The following ZNF175 variants were observed in gnomAD, a reference collection of about 807,000 sequenced individuals.
ZNF175 encodes the protein zinc finger protein 175.
ZNF175 carries 8 observed loss-of-function variants against 14.0 expected under a neutral mutation model. That is an observed-to-expected ratio of 0.57 (90% CI 0.34 to 1.03). ZNF175 has a LOEUF of 1.03. ZNF175 is among the 50% of genes least tolerant of loss of function. The pLI is 0.03. For missense variants in ZNF175, 764 were observed against 849.5 expected (o/e 0.90, Z 1.25); for synonymous variants, 255 against 296.8 (o/e 0.86, Z 1.45).
intron 2 of ZNF175, among the ~76,000 whole-genome samples, chr19:51,577,908 C>T (rs1163579685): frequency 6.6e-6 from 1 of 151,234 alleles, no homozygotes; most frequent in East Asian, 2.0e-4. Flanking sequence ...CGTGATCCGC[C>T]CGCCTTGGCC....
At position 51,581,854 on chromosome 19, in the gene ZNF175, G is replaced by A; in HGVS notation, c.267G>A (p.Glu89=). The change falls in exon 4 of 5, where the codon GAG becomes GAA. Residue 89 remains glutamate, a synonymous_variant. Coordinates refer to ENST00000262259, the MANE Select transcript of ZNF175 (RefSeq NM_007147.4). ...AAGAAAAGGAGCCGCGTGTGGAGGA[G>A]GCTGAAGTCTCACATCAGAGGTGTC... ...MLKEKEPRVE[E]AEVSHQRCQE... The A allele has an allele frequency of 1.9e-6, 3 of 1,613,840 alleles. No homozygotes were observed. The highest frequency in any genetic ancestry group is 2.5e-6 in the Non-Finnish European group (3 of 1,179,822).
Position 51,588,912 on chromosome 19 carries a change from T to TGC in ZNF175, c.*448_*449dup. ...TAGGACAATATTTTATGTGTGTGTG[T>TGC]GCGCCTTATGTATATAAGCATATAT... On this transcript the variant is annotated 3_prime_UTR_variant, in exon 5 of 5. Transcript: ENST00000262259. 5 of 393,866 alleles carry TGC rather than the reference T, an allele frequency of 1.3e-5. 1 individual carries two copies. In the Middle Eastern group the frequency reaches 2.6e-3, roughly 203 times the overall value. 24.4% of individuals were successfully genotyped at this position (393,866 alleles called of 1,614,324 possible).
At chr19:51,579,984 A>G (rs1055345154) in intron 2 of ZNF175, among the ~76,000 whole-genome samples, 2 of 152,060 alleles carry the variant, frequency 1.3e-5, no homozygotes, top group African/African-American at 4.8e-5. Flanking sequence ...TATTCAATAT[A>G]TAGAATATAG....
chr19:51,581,769 A>G lies in ZNF175; in HGVS notation c.200-18A>G, dbSNP rs1982012421. On this transcript the variant is annotated intron_variant, in intron 3 of 4. Coordinates refer to ENST00000262259, the MANE Select transcript of ZNF175 (RefSeq NM_007147.4). ...TGAAGAAGCTACACCCAAATCCAGTATCCTTTCTAATTAACAGGGTATCAC... is the reference window on the plus strand; with the variant it reads ...TGAAGAAGCTACACCCAAATCCAGTGTCCTTTCTAATTAACAGGGTATCAC... 2.5e-6 allele frequency: 4 copies of G among 1,612,510 alleles called. No individual in the cohort carries two copies. The highest frequency in any genetic ancestry group is 2.2e-5 in the South Asian group (2 of 90,932).
Position 51,592,061 on chromosome 19 carries a change from G to A in ZNF175, c.*3594G>A, listed in dbSNP as rs1199400857. ...CATGACCTTTTTATTGTTGGGCAGT[G>A]AAAGCCATGGTGAAATGAAGAATGT... On this transcript the variant is annotated 3_prime_UTR_variant, in exon 5 of 5. Coordinates refer to ENST00000262259, the MANE Select transcript of ZNF175 (RefSeq NM_007147.4). 1 of 152,166 alleles carries A rather than the reference G, an allele frequency of 6.6e-6. No individual in the cohort carries two copies. The allele number at this position is 152,166 out of a possible 1,614,324, so 9.4% of individuals were successfully genotyped here.
In ZNF175 at chr19:51,588,292, A is replaced by G; in HGVS notation, c.1961A>G (p.Lys654Arg). The G allele has an allele frequency of 1.2e-6, 2 of 1,614,056 alleles. No homozygotes were observed. The highest frequency in any genetic ancestry group is 1.7e-6 in the Non-Finnish European group (2 of 1,180,006). Residue 654 changes from lysine to arginine, a missense_variant, in exon 5 of 5, where the codon AAG (lysine) becomes AGG (arginine). Lys to Arg is a conservative substitution (Grantham distance 26). Coordinates refer to ENST00000262259, the MANE Select transcript of ZNF175 (RefSeq NM_007147.4). Reference sequence around the variant, plus strand: ...CTTGACTGTGGGAAATCGTTCAGTAAGAAACCACAACTCAAGGTGCATCAG... The same window carrying G: ...CTTGACTGTGGGAAATCGTTCAGTAGGAAACCACAACTCAAGGTGCATCAG... ...ECLDCGKSFSKKPQLKVHQRI... is the reference protein window; with the variant it reads ...ECLDCGKSFSRKPQLKVHQRI...
In ZNF175 at chr19:51,587,748, A is replaced by G. The variant is rs1982217414; in HGVS notation, c.1417A>G (p.Lys473Glu). The change falls in exon 5 of 5, where the codon AAA (lysine) becomes GAA (glutamate). Residue 473 changes from lysine to glutamate, a missense_variant. Lys to Glu is a moderately conservative substitution (Grantham distance 56). Coordinates refer to ENST00000262259, the MANE Select transcript of ZNF175 (RefSeq NM_007147.4). ...IVHQRSHTGEKPYQCHNCGKS... is the reference protein window; with the variant it reads ...IVHQRSHTGEEPYQCHNCGKS... The stretch of plus-strand genomic sequence containing the variant: ...CCATCAAAGAAGCCACACAGGAGAA[A>G]AACCTTATCAGTGCCACAACTGTGG... The G allele has an allele frequency of 2.5e-6, 4 of 1,614,094 alleles. No homozygotes were observed. The highest frequency in any genetic ancestry group is 1.3e-5 in the African/African-American group (1 of 74,926).
chr19:51,576,850 G>C (rs1054440577), intron 2 of ZNF175, among the ~76,000 whole-genome samples: 2 of 152,064 alleles, frequency 1.3e-5, no homozygotes, highest in African/African-American at 4.8e-5. Context: ...TCGTGAAAGT[G>C]CATCCCCTAG....
intron 4 of ZNF175, 149 bp from the exon 5 acceptor site, chr19:51,586,478 G>C: frequency 1.3e-6 from 1 of 775,008 alleles, no homozygotes; most frequent in Non-Finnish European, 2.0e-6. Flanking sequence ...CATGTAATAA[G>C]GGCTCTGTGT....
chr19:51,582,219 G>A (rs1382865189), intron 4 of ZNF175, among the ~76,000 whole-genome samples: 3 of 152,186 alleles, frequency 2.0e-5, no homozygotes, highest in Non-Finnish European at 4.4e-5. Flanking sequence ...CATCTTGCTT[G>A]CTAACACTTG....
At chr19:51,576,401 C>T (rs978059461) in intron 2 of ZNF175, among the ~76,000 whole-genome samples, 7 of 152,262 alleles carry the variant, frequency 4.6e-5, no homozygotes, top group Non-Finnish European at 7.4e-5. Flanking sequence ...CCGCCAGCCT[C>T]GGCCTCCCAA....
intron 2 of ZNF175, among the ~76,000 whole-genome samples, chr19:51,578,316 C>T (rs1263139668): frequency 6.6e-6 from 1 of 151,998 alleles, no homozygotes; most frequent in Non-Finnish European, 1.5e-5. Flanking sequence ...AGGAGAATCG[C>T]CTGAACCCGG....
In ZNF175 at chr19:51,582,716, C is replaced by T. The variant is rs536992482; in HGVS notation, c.295+834C>T. Among the ~76,000 whole-genome samples, 109 of 152,240 alleles carry T rather than the reference C, an allele frequency of 7.2e-4. 1 individual carries two copies. The highest frequency in any genetic ancestry group is 3.4e-3 in the Middle Eastern group (1 of 294). On this transcript the variant is annotated intron_variant, in intron 4 of 4. Transcript: ENST00000262259. ...CATTTTCTTACCGCTTATCTCTTTA[C>T]GTCCATGGAGTTTTCTGCCTTTTTT...
rs780450554 is a variant in ZNF175 at position 51,587,841 on chromosome 19, G to A, written c.1510G>A (p.Glu504Lys). ...AATTCATACAGGGGAGAAACCTTAT[G>A]AATGCAGTGACTGTGGAAAAACCTT... ...HRIHTGEKPY[E>K]CSDCGKTFTQ... Residue 504 changes from glutamate to lysine, a missense_variant, in exon 5 of 5, where the codon GAA becomes AAA. Coordinates refer to ENST00000262259, the MANE Select transcript of ZNF175 (RefSeq NM_007147.4). 1.9e-6 allele frequency: 3 copies of A among 1,614,020 alleles called. No individual in the cohort carries two copies. The highest frequency in any genetic ancestry group is 2.5e-6 in the Non-Finnish European group (3 of 1,180,020).
At chr19:51,580,252 C>T (rs1408787127) in intron 2 of ZNF175, among the ~76,000 whole-genome samples, 1 of 152,092 alleles carries the variant, frequency 6.6e-6, no homozygotes, top group Non-Finnish European at 1.5e-5. Context: ...GTTTGCACAC[C>T]ACGTATTTTC....
chr19:51,577,550 C>A (rs1981829945), intron 2 of ZNF175, among the ~76,000 whole-genome samples: 1 of 151,810 alleles, frequency 6.6e-6, no homozygotes, highest in Non-Finnish European at 1.5e-5. Context: ...ACTATCTTAC[C>A]TAAGGATATT....
At position 51,587,018 on chromosome 19, in the gene ZNF175, T is replaced by C. The variant is rs756647413; in HGVS notation, c.687T>C (p.Ser229=). The C allele has an allele frequency of 5.0e-6, 8 of 1,614,248 alleles. No homozygotes were observed. The highest frequency in any genetic ancestry group is 5.1e-6 in the Non-Finnish European group (6 of 1,180,028). ...AACAGCTTGATGACGTTGTTGGGTC[T>C]GGTCAGCTATTCAGCCATAGCTCTT... ...DTEQLDDVVG[S]GQLFSHSSSD... Residue 229 remains serine (S), a synonymous_variant, in exon 5 of 5, where the codon TCT becomes TCC. Coordinates refer to ENST00000262259, the MANE Select transcript of ZNF175 (RefSeq NM_007147.4).
intron 2 of ZNF175, among the ~76,000 whole-genome samples, chr19:51,575,258 G>T (rs940583050): frequency 2.3e-5 from 3 of 130,060 alleles, no homozygotes; most frequent in Admixed American, 8.4e-5. Flanking sequence ...GCTCTGAAGC[G>T]CAGGCTGGAG....
intron 2 of ZNF175, 163 bp from the exon 3 acceptor site, chr19:51,581,228 C>G: frequency 1.0e-6 from 1 of 1,004,620 alleles, no homozygotes; most frequent in Non-Finnish European, 1.5e-6. Context: ...GGATATTTCT[C>G]TTATTTTTTT....
Sources: gnomAD v4.1 joint callset for allele counts (sites outside exome capture counted in the v4.1 genomes callset) on GRCh38, gnomAD v4.1.1 for gene constraint, MANE v1.5 for transcripts, NCBI Gene and HGNC (gene_info 2026-07-23, HGNC 2026-07-21) for gene names.